Variants in FDX1 observed in about 807,000 individuals in gnomAD.
The protein encoded by FDX1 is ferredoxin 1.
FDX1 carries 9 observed loss-of-function variants against 14.9 expected under a neutral mutation model. The observed-to-expected ratio is 0.60, with a 90% CI of 0.36 to 1.05. The LOEUF is 1.05. Ranked by LOEUF, FDX1 falls within the 50% of genes least tolerant of loss-of-function variation. The pLI, the probability that FDX1 is intolerant of heterozygous loss-of-function variation, is 0.01. For synonymous variants in FDX1, 92 were observed against 99.4 expected, an observed-to-expected ratio of 0.93 and a Z score of 0.44; for missense variants, 204 against 237.2, an observed-to-expected ratio of 0.86 and a Z score of 0.92.
chr11:110,456,812 CTTATG>C (rs1946525394), intron 2 of FDX1, 101 bp from the exon 3 acceptor site: 1 of 1,266,618 alleles, frequency 7.9e-7, no homozygotes, highest in Non-Finnish European at 1.1e-6. Flanking sequence ...CCCGGCCTCA[CTTATG>C]TATTCTAATG....
chr11:110,464,500 T>A lies in FDX1; in HGVS notation c.*2032T>A, dbSNP rs894675955. On this transcript the variant is annotated 3_prime_UTR_variant, in exon 4 of 4. Coordinates refer to ENST00000260270, the MANE Select transcript of FDX1 (RefSeq NM_004109.5). Reference sequence around the variant, plus strand: ...ACTTCTGACATAACTAACCCACACCTGAGATAACGGCATTAATCCATTCAT... The same window carrying A: ...ACTTCTGACATAACTAACCCACACCAGAGATAACGGCATTAATCCATTCAT... 1.3e-5 allele frequency: 2 copies of A among 152,154 alleles called. No homozygotes were observed. Among genetic ancestry groups the A allele is most frequent in the South Asian group, 2.1e-4 (1 of 4,828 alleles). The allele number at this position is 152,154 out of a possible 1,614,324, so 9.4% of individuals were successfully genotyped here.
rs574378356 is a variant in FDX1 at position 110,446,801 on chromosome 11, G to A, written c.311-10117G>A. Among the ~76,000 whole-genome samples the A allele has an allele frequency of 3.9e-5, 6 of 152,340 alleles. No homozygotes were observed. The South Asian group carries it at 1.0e-3, about 26-fold the overall frequency. On this transcript the variant is annotated intron_variant, in intron 2 of 3. Transcript: ENST00000260270. Reference sequence around the variant, plus strand: ...GGCCAGCCACTGGGCGCCTGGAGCTGTGCTAACCTGCTTCTGCTCTGGAGT... The same window carrying A: ...GGCCAGCCACTGGGCGCCTGGAGCTATGCTAACCTGCTTCTGCTCTGGAGT...
intron 1 of FDX1, among the ~76,000 whole-genome samples, chr11:110,435,203 A>G (rs1190171479): frequency 1.2e-4 from 18 of 151,200 alleles, no homozygotes; most frequent in Admixed American, 1.2e-3. Context: ...AGATCACATC[A>G]CCACACCTGG....
chr11:110,439,295 C>T (rs577424857), intron 2 of FDX1, among the ~76,000 whole-genome samples: 1 of 152,234 alleles, frequency 6.6e-6, no homozygotes, highest in Non-Finnish European at 1.5e-5. Context: ...GCACCCTTCA[C>T]CTCCTGGGTT....
At chr11:110,439,800 G>A (rs1037049031) in intron 2 of FDX1, among the ~76,000 whole-genome samples, 4 of 152,192 alleles carry the variant, frequency 2.6e-5, no homozygotes, top group Middle Eastern at 3.4e-3. Flanking sequence ...TAGGACTTTT[G>A]TAGCTTTAGA....
intron 2 of FDX1, among the ~76,000 whole-genome samples, chr11:110,438,950 C>T (rs1287560597): frequency 6.6e-6 from 1 of 152,066 alleles, no homozygotes; most frequent in African/African-American, 2.4e-5. Context: ...GTCGCCCAGG[C>T]TAGAGTGCAA....
Position 110,430,259 on chromosome 11 carries a change from G to A in FDX1, c.139G>A (p.Ala47Thr), listed in dbSNP as rs1946321076. ...GAGGAACCGGGGGCCGGGCGGGAGC[G>A]CGGAGGCGAGCCGGTCGCTGAGCGT... ...LLRNRGPGGSAEASRSLSVSA... is the reference protein window; with the variant it reads ...LLRNRGPGGSTEASRSLSVSA... Residue 47 changes from alanine (A) to threonine (T), a missense_variant, in exon 1 of 4, where the codon GCG becomes ACG. Physicochemically the swap from Ala to Thr is moderately conservative, Grantham distance 58 (BLOSUM62 0). Transcript: ENST00000260270. 3.3e-6 allele frequency: 4 copies of A among 1,204,348 alleles called. No homozygotes were observed. The highest frequency in any genetic ancestry group is 1.6e-5 in the African/African-American group (1 of 63,212). The allele number at this position is 1,204,348 out of a possible 1,614,324, so 74.6% of individuals were successfully genotyped here.
At chr11:110,455,045 C>T (rs556663447) in intron 2 of FDX1, among the ~76,000 whole-genome samples, 4 of 152,246 alleles carry the variant, frequency 2.6e-5, no homozygotes, top group South Asian at 2.1e-4. Context: ...CTCACTCTGT[C>T]GCCCAGGCTG....
chr11:110,446,120 G>T (rs1946448441), intron 2 of FDX1, among the ~76,000 whole-genome samples: 1 of 152,158 alleles, frequency 6.6e-6, no homozygotes, highest in African/African-American at 2.4e-5. Context: ...ATAAGCTTGA[G>T]ATAAGTAAGC....
At chr11:110,456,509 CTTTTTTTTTTTTT>C (rs11463993) in intron 2 of FDX1, among the ~76,000 whole-genome samples, 13 of 83,804 alleles carry the variant, frequency 1.6e-4, no homozygotes, top group African/African-American at 2.4e-4. Flanking sequence ...TTTATGTATT[CTTTTTTTTTTTTT>C]TTTTTTTTTT....
rs962267299 is a variant in FDX1 at position 110,463,487 on chromosome 11, G to A, written c.*1019G>A. The A allele has an allele frequency of 6.6e-6, 1 of 152,198 alleles. No individual in the cohort carries two copies. Among genetic ancestry groups the A allele is most frequent in the Non-Finnish European group, 1.5e-5 (1 of 68,034 alleles). 9.4% of individuals were successfully genotyped at this position (152,198 alleles called of 1,614,324 possible). ...CTTTACTATAAATAAATTCATAAAA[G>A]TTAACAAAGGGGTACACAGTATGGT... On this transcript the variant is annotated 3_prime_UTR_variant, in exon 4 of 4. Transcript: ENST00000260270.
chr11:110,453,932 T>G (rs1192867738), intron 2 of FDX1, among the ~76,000 whole-genome samples: 1 of 152,206 alleles, frequency 6.6e-6, no homozygotes, highest in Non-Finnish European at 1.5e-5. Flanking sequence ...TAGTTTCTAT[T>G]ATATTTGAAC....
At chr11:110,456,806 G>C in intron 2 of FDX1, 112 bp from the exon 3 acceptor site, 1 of 1,178,344 alleles carries the variant, frequency 8.5e-7, no homozygotes, top group Non-Finnish European at 1.2e-6. Flanking sequence ...ACTGTGCCCG[G>C]CCTCACTTAT....
rs544542515 is a variant in FDX1, at chr11:110,461,147, TGAAA to T, written c.441-1204_441-1201del. ...ATCACTTAACATATTTTCTGAATATTGAAAGAGTTATTTAGACTTATCTAGACAT... is the reference window on the plus strand; with the variant it reads ...ATCACTTAACATATTTTCTGAATATTGAGTTATTTAGACTTATCTAGACAT... On this transcript the variant is annotated intron_variant, in intron 3 of 3. Coordinates refer to ENST00000260270, the MANE Select transcript of FDX1 (RefSeq NM_004109.5). Among the ~76,000 whole-genome samples the T allele has an allele frequency of 1.3e-5, 2 of 152,144 alleles. 1 individual carries two copies. The highest frequency in any genetic ancestry group is 4.2e-4 in the South Asian group (2 of 4,818).
intron 2 of FDX1, among the ~76,000 whole-genome samples, chr11:110,436,830 C>A (rs1946373100): frequency 6.6e-6 from 1 of 152,056 alleles, no homozygotes; most frequent in Non-Finnish European, 1.5e-5. Context: ...TATATTAAAT[C>A]TACCTCTCTT....
chr11:110,452,678 A>G (rs1435703908), intron 2 of FDX1, among the ~76,000 whole-genome samples: 1 of 152,226 alleles, frequency 6.6e-6, no homozygotes, highest in African/African-American at 2.4e-5. Context: ...AATGAAAGTC[A>G]CAATGTGACA....
chr11:110,443,945 A>G (rs977429418), intron 2 of FDX1, among the ~76,000 whole-genome samples: 2 of 151,460 alleles, frequency 1.3e-5, no homozygotes, highest in African/African-American at 4.9e-5. Flanking sequence ...TAAGTTCCCT[A>G]TAGATTCTGG....
rs936890708 is a variant in FDX1, at chr11:110,462,377, G to C, written c.464G>C (p.Cys155Ser). Residue 155 changes from cysteine (C) to serine (S), a missense_variant, in exon 4 of 4, where the codon TGT becomes TCT. Cys to Ser is a moderately radical substitution (Grantham distance 112, BLOSUM62 -1). Coordinates refer to ENST00000260270, the MANE Select transcript of FDX1 (RefSeq NM_004109.5). Reference protein sequence around the residue: ...TDRSRLGCQICLTKSMDNMTV... With the variant: ...TDRSRLGCQISLTKSMDNMTV... Reference sequence around the variant, plus strand: ...AGATCACGGTTGGGCTGCCAAATCTGTTTGACAAAATCTATGGACAATATG... The same window carrying C: ...AGATCACGGTTGGGCTGCCAAATCTCTTTGACAAAATCTATGGACAATATG... 5.6e-6 allele frequency: 9 copies of C among 1,610,706 alleles called. No individual in the cohort carries two copies. The highest frequency in any genetic ancestry group is 5.3e-5 in the African/African-American group (4 of 74,870).
At chr11:110,460,960 C>T (rs1173233794) in intron 3 of FDX1, among the ~76,000 whole-genome samples, 1 of 152,136 alleles carries the variant, frequency 6.6e-6, no homozygotes, top group Non-Finnish European at 1.5e-5. Flanking sequence ...AGTGTTGTGC[C>T]TTTAGGTGCT....
Sources: gnomAD v4.1 joint callset for allele counts (sites outside exome capture counted in the v4.1 genomes callset) on GRCh38, gnomAD v4.1.1 for gene constraint, MANE v1.5 for transcripts, NCBI Gene and HGNC (gene_info 2026-07-23, HGNC 2026-07-21) for gene names.